Variants in SCNN1B observed in about 807,000 individuals in gnomAD.
SCNN1B encodes the protein sodium channel epithelial 1 subunit beta.
In SCNN1B, 46 loss-of-function variants were observed where a neutral mutation model predicts 65.3. That is an observed-to-expected ratio of 0.70 (90% CI 0.56 to 0.90). SCNN1B has a LOEUF of 0.90. Ranked by LOEUF, SCNN1B falls within the 40% of genes least tolerant of loss-of-function variation. The pLI, the probability that SCNN1B is intolerant of heterozygous loss-of-function variation, is 0.00. For synonymous variants in SCNN1B, 349 were observed against 330.6 expected (o/e 1.06, Z -0.60); for missense variants, 751 against 830.5 (o/e 0.90, Z 1.18).
intron 1 of SCNN1B, among the ~76,000 whole-genome samples, chr16:23,325,003 G>A (rs761492829): frequency 6.6e-6 from 1 of 152,198 alleles, no homozygotes; most frequent in African/African-American, 2.4e-5. Context: ...GGTAAAGCCC[G>A]GTGCAGCTGA....
At position 23,311,573 on chromosome 16, in the gene SCNN1B, C is replaced by T. The variant is rs537143988; in HGVS notation, c.-9+9136C>T. Among the ~76,000 whole-genome samples, 15 of 152,272 alleles carry T rather than the reference C, an allele frequency of 9.9e-5. No individual in the cohort carries two copies. In the East Asian group the frequency reaches 1.4e-3, roughly 14 times the overall value. ...CTGATTGGAAAACACTACCACCATC[C>T]CACCTTACCCCTACCCCAGGAGGGA... is the stretch of plus-strand genomic sequence containing the variant. On this transcript the variant is annotated intron_variant, in intron 1 of 12. Coordinates refer to ENST00000343070, the MANE Select transcript of SCNN1B (RefSeq NM_000336.3).
At chr16:23,334,259 C>T (rs1332692100) in intron 1 of SCNN1B, among the ~76,000 whole-genome samples, 1 of 152,138 alleles carries the variant, frequency 6.6e-6, no homozygotes, top group African/African-American at 2.4e-5. Context: ...AGTGAACCTC[C>T]CATGACCCAC....
chr16:23,340,897 AGTGTGTGTGT>A (rs60710187), intron 1 of SCNN1B, among the ~76,000 whole-genome samples: 1 of 150,818 alleles, frequency 6.6e-6, no homozygotes, highest in African/African-American at 2.4e-5. Context: ...GTTGCTTTGA[AGTGTGTGTGT>A]GTGTGTGTGC....
At chr16:23,288,351 C>T (rs1045929581) in intron 2 of SCNN1B, among the ~76,000 whole-genome samples, 1 of 152,144 alleles carries the variant, frequency 6.6e-6, no homozygotes, top group Admixed American at 6.6e-5. Context: ...TAAGTCAGTT[C>T]CCTAGTGTAT....
chr16:23,342,086 C>T (rs1159657147), intron 1 of SCNN1B, among the ~76,000 whole-genome samples: 1 of 152,204 alleles, frequency 6.6e-6, no homozygotes, highest in Non-Finnish European at 1.5e-5. Flanking sequence ...AACAACCCAA[C>T]TGTCCATCAA....
At chr16:23,307,245 A>G (rs1427416133) in intron 1 of SCNN1B, among the ~76,000 whole-genome samples, 1 of 151,430 alleles carries the variant, frequency 6.6e-6, no homozygotes, top group Admixed American at 6.6e-5. Context: ...CATAGAATCT[A>G]GCACACAGCA....
intron 7 of SCNN1B, among the ~76,000 whole-genome samples, chr16:23,373,927 G>A (rs918613530): frequency 2.6e-5 from 4 of 152,104 alleles, no homozygotes; most frequent in Admixed American, 6.6e-5. Flanking sequence ...TGCATCTCTC[G>A]TTTCTTCCGG....
At chr16:23,332,963 C>G (rs766196653) in intron 1 of SCNN1B, among the ~76,000 whole-genome samples, 5 of 152,006 alleles carry the variant, frequency 3.3e-5, no homozygotes, top group Admixed American at 6.6e-5. Flanking sequence ...CCAGCTTACT[C>G]GGGAGGTTGA....
At position 23,303,913 on chromosome 16, in the gene SCNN1B, T is replaced by C. The variant is rs1273190697; in HGVS notation, c.-9+1476T>C. On this transcript the variant is annotated intron_variant, in intron 1 of 12. Coordinates refer to ENST00000343070, the MANE Select transcript of SCNN1B (RefSeq NM_000336.3). ...TAGCCTGAGTGAAAGAGCAAGACTC[T>C]GTTTCAGAAAAATAGAACTAGAAGT... 3 of 714,192 alleles carry C rather than the reference T, an allele frequency of 4.2e-6. No homozygotes were observed. The East Asian group carries it at 8.1e-5, about 19-fold the overall frequency. The allele number at this position is 714,192 out of a possible 1,614,324, so 44.2% of individuals were successfully genotyped here.
chr16:23,378,794 G>T, intron 11 of SCNN1B, 27 bp downstream of exon 11: 1 of 1,608,772 alleles, frequency 6.2e-7, no homozygotes, highest in Non-Finnish European at 8.5e-7. Context: ...GCGGGGCTGG[G>T]GAAGACAGGG....
At chr16:23,352,657 T>G in intron 2 of SCNN1B, 144 bp from the exon 3 acceptor site, 2 of 913,668 alleles carry the variant, frequency 2.2e-6, no homozygotes, top group Admixed American at 3.7e-5. Flanking sequence ...CAATTATACC[T>G]CTTCTGTTTA....
intron 2 of SCNN1B, among the ~76,000 whole-genome samples, chr16:23,291,178 C>T (rs139733677): frequency 0.052 from 7,873 of 151,720 alleles, 279 homozygotes; most frequent in Middle Eastern, 0.14. Context: ...TTTCCTGCCT[C>T]AGCATCCCAA....
rs377066310 is a variant in SCNN1B at position 23,319,999 on chromosome 16, G to A, written c.-9+17562G>A. On this transcript the variant is annotated intron_variant, in intron 1 of 12. Transcript: ENST00000343070. ...TGGGCTCAAGTGATCCTCTCACCTC[G>A]GCCTCCCAAAGTGCTCAGATTACAG... Among the ~76,000 whole-genome samples the A allele has an allele frequency of 5.5e-4, 83 of 152,130 alleles. 1 individual carries two copies. The highest frequency in any genetic ancestry group is 1.8e-3 in the African/African-American group (73 of 41,500).
intron 1 of SCNN1B, among the ~76,000 whole-genome samples, chr16:23,321,591 G>A (rs1961588597): frequency 6.6e-6 from 1 of 152,138 alleles, no homozygotes; most frequent in Non-Finnish European, 1.5e-5. Flanking sequence ...GAGTGACCTT[G>A]GGCAGCTGTC....
chr16:23,292,714 G>A (rs1010453957), intron 2 of SCNN1B, among the ~76,000 whole-genome samples: 23 of 150,304 alleles, frequency 1.5e-4, no homozygotes, highest in Non-Finnish European at 2.7e-4. Flanking sequence ...ATGTTGCCCA[G>A]GCTGGTCTCG....
chr16:23,355,298 G>GT lies in SCNN1B; in HGVS notation c.586dup (p.Cys196LeufsTer2). Reference sequence around the variant, plus strand: ...ACAAAAACCCCTCTTGGCCTCCACAGTGTAGCCTCAACAGGACCCAGTGTA... The same window carrying GT: ...ACAAAAACCCCTCTTGGCCTCCACAGTTGTAGCCTCAACAGGACCCAGTGTA... On this transcript the variant is annotated frameshift_variant and splice_region_variant. Transcript: ENST00000343070. LOFTEE classifies it high-confidence loss of function. The GT allele has an allele frequency of 6.2e-7, 1 of 1,614,154 alleles. No homozygotes were observed. Among genetic ancestry groups the GT allele is most frequent in the Non-Finnish European group, 8.5e-7 (1 of 1,180,000 alleles).
intron 1 of SCNN1B, among the ~76,000 whole-genome samples, chr16:23,347,909 A>AAAAAAG (rs767103365): frequency 3.0e-4 from 46 of 152,338 alleles, no homozygotes; most frequent in Non-Finnish European, 4.4e-4. Context: ...ACCCTATCTG[A>AAAAAAG]AAAAAGAAAA....
chr16:23,348,829 G>A lies in SCNN1B; in HGVS notation c.230G>A (p.Trp77Ter). ...ATCTTCATCAGGACCTACTTGAGCT[G>A]GGAGGTCAGCGTCTCCCTCTCCGTA... ...WGIFIRTYLSWEVSVSLSVGF... is the reference protein window; with the variant it reads ...WGIFIRTYLS Residue 77 changes from tryptophan (W) to a stop codon, truncating the protein, a stop_gained, in exon 2 of 13, where the codon TGG (tryptophan) becomes TAG (stop). Coordinates refer to ENST00000343070, the MANE Select transcript of SCNN1B (RefSeq NM_000336.3). LOFTEE classifies it high-confidence loss of function. The surrounding 1 kb of genome is among the most constrained non-coding windows in gnomAD (Gnocchi z 4.5). The A allele has an allele frequency of 6.2e-7, 1 of 1,614,168 alleles. No individual in the cohort carries two copies. Among genetic ancestry groups the A allele is most frequent in the Non-Finnish European group, 8.5e-7 (1 of 1,180,028 alleles).
At chr16:23,352,719 C>A in intron 2 of SCNN1B, 82 bp from the exon 3 acceptor site, 1 of 1,474,282 alleles carries the variant, frequency 6.8e-7, no homozygotes, top group South Asian at 1.1e-5. Flanking sequence ...AAACAGACTA[C>A]TATGGAGTGG....
Sources: gnomAD v4.1 joint callset for allele counts (sites outside exome capture counted in the v4.1 genomes callset) on GRCh38, gnomAD v4.1.1 for gene constraint, Gnocchi (gnomAD v3.1) non-coding constraint, MANE v1.5 for transcripts, NCBI Gene and HGNC (gene_info 2026-07-23, HGNC 2026-07-21) for gene names.